G2E3: variants seen among roughly 807,000 people sequenced by gnomAD.
G2E3 encodes G2/M phase-specific E3 ubiquitin-protein ligase.
In G2E3, 35 loss-of-function variants were observed where a neutral mutation model predicts 92.8. The observed-to-expected ratio is 0.38, with a 90% CI of 0.29 to 0.50. The LOEUF (loss-of-function observed/expected upper bound fraction) is 0.50, where lower values mean the gene tolerates loss of function less well. G2E3 is among the 20% of genes least tolerant of loss of function. G2E3 has a pLI of 0.94. For missense variants in G2E3, 554 were observed against 823.8 expected, an observed-to-expected ratio of 0.67 and a Z score of 4.01; for synonymous variants, 242 against 272.4, an observed-to-expected ratio of 0.89 and a Z score of 1.10.
rs1881058508 is a variant in G2E3, at chr14:30,592,350, G to T, written c.265G>T (p.Ala89Ser). 1.2e-6 allele frequency: 2 copies of T among 1,612,078 alleles called. No homozygotes were observed. Among genetic ancestry groups the T allele is most frequent in the Non-Finnish European group, 1.7e-6 (2 of 1,178,678 alleles). Residue 89 changes from alanine to serine, a missense_variant, in exon 5 of 15, where the codon GCT becomes TCT. Ala to Ser is a moderately conservative substitution (Grantham distance 99, BLOSUM62 1). This residue lies in a region of G2E3 where 137 missense variants were observed against 201.3 expected (regional missense o/e 0.68). Coordinates refer to ENST00000206595, the MANE Select transcript of G2E3 (RefSeq NM_017769.5). ...ATGCTGTGTTTGCAAGAAAAATGGT[G>T]CTTCAATTGGATGTGTTGCACCCCG... ...LKCCVCKKNG[A>S]SIGCVAPRCK...
chr14:30,610,566 G>C lies in G2E3; in HGVS notation c.1501-1641G>C, dbSNP rs1274062008. Among the ~76,000 whole-genome samples, 4 of 152,194 alleles carry C rather than the reference G, an allele frequency of 2.6e-5. No individual in the cohort carries two copies. The East Asian group carries it at 7.7e-4, about 29-fold the overall frequency. ...GGCAGTGAGCCGGGATCATGCCACTGCACTCCAGCATGGGCAACAGAGTGA... is the reference window on the plus strand; with the variant it reads ...GGCAGTGAGCCGGGATCATGCCACTCCACTCCAGCATGGGCAACAGAGTGA... On this transcript the variant is annotated intron_variant, in intron 12 of 14. Coordinates refer to ENST00000206595, the MANE Select transcript of G2E3 (RefSeq NM_017769.5).
At chr14:30,584,020 A>G (rs1167058824) in intron 2 of G2E3, among the ~76,000 whole-genome samples, 2 of 152,092 alleles carry the variant, frequency 1.3e-5, no homozygotes, top group Non-Finnish European at 2.9e-5. Flanking sequence ...GTCACCCCTC[A>G]TTTTCCGTGT....
chr14:30,611,820 CT>C (rs33919348), intron 12 of G2E3: 407 of 151,726 alleles, frequency 2.7e-3, no homozygotes, highest in South Asian at 7.2e-3. Flanking sequence ...CACACCAGGC[CT>C]TTTTTTTTTT....
intron 10 of G2E3, among the ~76,000 whole-genome samples, chr14:30,604,474 G>A (rs1171349371): frequency 1.3e-5 from 2 of 152,188 alleles, no homozygotes; most frequent in Non-Finnish European, 2.9e-5. Flanking sequence ...GGTTTATATC[G>A]TCACTTGGAT....
chr14:30,596,063 T>C (rs1473476271), intron 6 of G2E3, among the ~76,000 whole-genome samples: 2 of 149,280 alleles, frequency 1.3e-5, no homozygotes, highest in African/African-American at 5.0e-5. Context: ...TGCTCAAATA[T>C]CCTTTAGGTT....
At chr14:30,591,173 T>C (rs1482778620) in intron 4 of G2E3, among the ~76,000 whole-genome samples, 1 of 152,152 alleles carries the variant, frequency 6.6e-6, no homozygotes, top group Non-Finnish European at 1.5e-5. Flanking sequence ...CAAACTAGAA[T>C]TCCTTGTTGT....
intron 1 of G2E3, chr14:30,573,692 A>G (rs1879912473): frequency 6.6e-6 from 1 of 152,158 alleles, no homozygotes; most frequent in African/African-American, 2.4e-5. Flanking sequence ...GCAGTCAGAC[A>G]GCAAATTTAA....
At chr14:30,579,746 C>G (rs1163651405) in intron 1 of G2E3, among the ~76,000 whole-genome samples, 1 of 152,194 alleles carries the variant, frequency 6.6e-6, no homozygotes, top group Non-Finnish European at 1.5e-5. Flanking sequence ...CTAACTAACT[C>G]CTTGACCTTG....
intron 1 of G2E3, among the ~76,000 whole-genome samples, chr14:30,580,471 G>T (rs1238510716): frequency 6.6e-6 from 1 of 152,138 alleles, no homozygotes; most frequent in Non-Finnish European, 1.5e-5. Flanking sequence ...CTCCCAAAGT[G>T]CTGGGATTAC....
At chr14:30,581,250 G>T in intron 2 of G2E3, 134 bp downstream of exon 2, 1 of 555,682 alleles carries the variant, frequency 1.8e-6, no homozygotes, top group Non-Finnish European at 3.3e-6. Context: ...GTATAATATT[G>T]CATATATTTA....
At chr14:30,593,205 A>G (rs1033989254) in intron 5 of G2E3, among the ~76,000 whole-genome samples, 2 of 152,116 alleles carry the variant, frequency 1.3e-5, no homozygotes, top group South Asian at 2.1e-4. Flanking sequence ...ATTGCTGACA[A>G]TATTACACAG....
chr14:30,576,128 G>A (rs1323870826), intron 1 of G2E3, among the ~76,000 whole-genome samples: 3 of 152,106 alleles, frequency 2.0e-5, no homozygotes, highest in South Asian at 2.1e-4. Flanking sequence ...ATACTACAAG[G>A]CTCCAGTAAC....
intron 2 of G2E3, 32 bp downstream of exon 2, chr14:30,581,148 CA>C: frequency 8.4e-7 from 1 of 1,183,504 alleles, no homozygotes. Flanking sequence ...AATTTTATTA[CA>C]ATGAGTGTTT....
intron 1 of G2E3, among the ~76,000 whole-genome samples, chr14:30,574,202 C>T (rs1879939586): frequency 6.6e-6 from 1 of 152,046 alleles, no homozygotes; most frequent in East Asian, 1.9e-4. Flanking sequence ...CCCCTTAATG[C>T]TTCAGTATTT....
chr14:30,584,578 T>G (rs529923297), intron 2 of G2E3, among the ~76,000 whole-genome samples: 1 of 152,214 alleles, frequency 6.6e-6, no homozygotes, highest in African/African-American at 2.4e-5. Flanking sequence ...TCCTTGTGAG[T>G]GTGAAGTGGT....
intron 8 of G2E3, among the ~76,000 whole-genome samples, chr14:30,601,400 A>G (rs1594501513): frequency 6.6e-6 from 1 of 152,192 alleles, no homozygotes; most frequent in Non-Finnish European, 1.5e-5. Context: ...AAATTTACTG[A>G]ATGTTTCTTC....
chr14:30,613,081 C>T (rs1166609295), intron 13 of G2E3, among the ~76,000 whole-genome samples: 1 of 152,052 alleles, frequency 6.6e-6, no homozygotes, highest in Non-Finnish European at 1.5e-5. Context: ...ATGTATGATT[C>T]CTGCTGTCCT....
intron 1 of G2E3, among the ~76,000 whole-genome samples, chr14:30,573,013 T>G (rs1879857921): frequency 6.6e-6 from 1 of 152,042 alleles, no homozygotes; most frequent in Non-Finnish European, 1.5e-5. Flanking sequence ...TGTACTTTTT[T>G]TTTGGATGGA....
At chr14:30,568,835 A>G (rs1172591211) in intron 1 of G2E3, among the ~76,000 whole-genome samples, 1 of 152,202 alleles carries the variant, frequency 6.6e-6, no homozygotes, top group African/African-American at 2.4e-5. Flanking sequence ...AATTACCAAA[A>G]GTGCAATAAT....
Sources: allele counts gnomAD v4.1 joint callset (sites outside exome capture counted in the v4.1 genomes callset), GRCh38; gene constraint gnomAD v4.1.1; regional missense constraint gnomAD v4.1.1; transcripts MANE v1.5; gene names NCBI Gene and HGNC (gene_info 2026-07-23, HGNC 2026-07-21).